The following JAKMIP2 variants were observed in gnomAD, a reference collection of about 807,000 sequenced individuals.
The protein encoded by JAKMIP2 is janus kinase and microtubule-interacting protein 2.
Under a neutral mutation model 115.0 loss-of-function variants are expected in JAKMIP2, and 25 were observed. That is an observed-to-expected ratio of 0.22 (90% CI 0.16 to 0.30). The LOEUF (loss-of-function observed/expected upper bound fraction) is 0.30, where lower values mean the gene tolerates loss of function less well. JAKMIP2 is among the 10% of genes least tolerant of loss of function. The pLI, the probability that JAKMIP2 is intolerant of heterozygous loss-of-function variation, is 1.00. For synonymous variants in JAKMIP2, 334 were observed against 343.6 expected (o/e 0.97, Z 0.31); for missense variants, 642 against 957.6 (o/e 0.67, Z 4.35).
intron 18 of JAKMIP2, among the ~76,000 whole-genome samples, chr5:147,619,665 AT>A (rs1308831823): frequency 6.6e-6 from 1 of 152,152 alleles, no homozygotes; most frequent in African/African-American, 2.4e-5. Context: ...GAAGCATGCA[AT>A]AGGAATTTGG....
chr5:147,704,164 T>C (rs763939722), intron 1 of JAKMIP2, among the ~76,000 whole-genome samples: 3 of 152,182 alleles, frequency 2.0e-5, no homozygotes, highest in African/African-American at 4.8e-5. Flanking sequence ...GAGTATACTC[T>C]AAAATAACAA....
At chr5:147,730,970 C>T (rs1444378588) in intron 1 of JAKMIP2, among the ~76,000 whole-genome samples, 1 of 152,074 alleles carries the variant, frequency 6.6e-6, no homozygotes, top group Non-Finnish European at 1.5e-5. Context: ...TCATGATGGT[C>T]CTGAATAAAG....
Position 147,640,698 on chromosome 5 carries a change from G to C in JAKMIP2, c.1401+6C>G. Reference sequence around the variant, plus strand: ...CACCCTAGGCTAGAGAAGTAGAAAAGCTTACTTCATCCAAGTCATCATCAG... The same window carrying C: ...CACCCTAGGCTAGAGAAGTAGAAAACCTTACTTCATCCAAGTCATCATCAG... On this transcript the variant is annotated splice_donor_region_variant and intron_variant, in intron 9 of 21. Coordinates refer to ENST00000616793, the MANE Select transcript of JAKMIP2 (RefSeq NM_001270941.2). 1 of 1,613,322 alleles carries C rather than the reference G, an allele frequency of 6.2e-7. No homozygotes were observed. Among genetic ancestry groups the C allele is most frequent in the South Asian group, 1.1e-5 (1 of 91,010 alleles).
intron 1 of JAKMIP2, among the ~76,000 whole-genome samples, chr5:147,714,186 T>C (rs1463858143): frequency 6.6e-6 from 1 of 152,124 alleles, no homozygotes; most frequent in Admixed American, 6.5e-5. Flanking sequence ...CTGTAGCCAT[T>C]ACAAAGGTTC....
intron 6 of JAKMIP2, 129 bp from the exon 7 acceptor site, chr5:147,644,327 C>A: frequency 2.9e-6 from 2 of 683,072 alleles, no homozygotes; most frequent in Non-Finnish European, 4.7e-6. Context: ...CCTGAATACA[C>A]ATACACCAAC....
Position 147,718,687 on chromosome 5 carries a change from C to G in JAKMIP2, c.-148-46733G>C, listed in dbSNP as rs1042306718. Among the ~76,000 whole-genome samples, 869 of 152,058 alleles carry G rather than the reference C, an allele frequency of 5.7e-3. 19 individuals carry two copies. The highest frequency in any genetic ancestry group is 0.02 in the African/African-American group (811 of 41,438). ...TAGTTTGTATTTCTGTGGGATCGGT[C>G]GTGATATCCCCTTTAGCATTTTTTA... On this transcript the variant is annotated intron_variant, in intron 1 of 21. Coordinates refer to ENST00000616793, the MANE Select transcript of JAKMIP2 (RefSeq NM_001270941.2).
At chr5:147,683,152 C>T (rs575802854) in intron 1 of JAKMIP2, among the ~76,000 whole-genome samples, 94 of 152,228 alleles carry the variant, frequency 6.2e-4, no homozygotes, top group African/African-American at 1.3e-3. Context: ...CATCAGAGCC[C>T]CCACCTGAGG....
chr5:147,753,511 C>T (rs1316321269), intron 1 of JAKMIP2, among the ~76,000 whole-genome samples: 2 of 152,192 alleles, frequency 1.3e-5, no homozygotes, highest in African/African-American at 2.4e-5. Context: ...CAGCTGCCAC[C>T]GAGCGTTGCT....
At chr5:147,751,866 G>C (rs1336750995) in intron 1 of JAKMIP2, among the ~76,000 whole-genome samples, 1 of 152,138 alleles carries the variant, frequency 6.6e-6, no homozygotes, top group Non-Finnish European at 1.5e-5. Context: ...GGCTTACACT[G>C]ATAGAGAGTA....
intron 5 of JAKMIP2, among the ~76,000 whole-genome samples, chr5:147,646,223 A>G (rs975302266): frequency 6.6e-6 from 1 of 152,166 alleles, no homozygotes; most frequent in Non-Finnish European, 1.5e-5. Flanking sequence ...ATCCATCTCA[A>G]TCTCAATTTC....
intron 1 of JAKMIP2, among the ~76,000 whole-genome samples, chr5:147,774,858 C>CCT (rs1433876740): frequency 6.6e-6 from 1 of 152,086 alleles, no homozygotes; most frequent in Non-Finnish European, 1.5e-5. Context: ...AAAATATCAC[C>CCT]CTCTTCTCCT....
intron 1 of JAKMIP2, among the ~76,000 whole-genome samples, chr5:147,683,852 G>A (rs1487582218): frequency 6.6e-6 from 1 of 152,196 alleles, no homozygotes; most frequent in Non-Finnish European, 1.5e-5. Flanking sequence ...AAAAGTACAT[G>A]AAGGTTGGAT....
At chr5:147,646,410 C>A (rs1202137839) in intron 5 of JAKMIP2, among the ~76,000 whole-genome samples, 1 of 152,072 alleles carries the variant, frequency 6.6e-6, no homozygotes, top group Non-Finnish European at 1.5e-5. Flanking sequence ...TCTGTCTCTT[C>A]TGAAGGTCAA....
chr5:147,679,030 G>A (rs1232476080), intron 1 of JAKMIP2, among the ~76,000 whole-genome samples: 1 of 151,704 alleles, frequency 6.6e-6, no homozygotes, highest in Non-Finnish European at 1.5e-5. Context: ...ACTCAGGCTG[G>A]AGTGCAGTGG....
At chr5:147,771,863 G>A (rs896147950) in intron 1 of JAKMIP2, among the ~76,000 whole-genome samples, 1 of 152,080 alleles carries the variant, frequency 6.6e-6, no homozygotes, top group Non-Finnish European at 1.5e-5. Flanking sequence ...AGGGTCTTCA[G>A]TGAAGCTTTT....
rs1334095021 is a variant in JAKMIP2 at position 147,648,341 on chromosome 5, C to T, written c.936+35G>A. 3.6e-6 allele frequency: 4 copies of T among 1,101,652 alleles called. No individual in the cohort carries two copies. The African/African-American group carries it at 4.6e-5, about 13-fold the overall frequency. 68.2% of individuals were successfully genotyped at this position (1,101,652 alleles called of 1,614,324 possible). ...TGTAATTCTGTAACATAATGCTTAA[C>T]AACAACATCAACAAAAATTTTTAGT... On this transcript the variant is annotated intron_variant, in intron 5 of 21. Transcript: ENST00000616793.
At chr5:147,641,292 T>C (rs1757868405) in intron 8 of JAKMIP2, among the ~76,000 whole-genome samples, 1 of 152,212 alleles carries the variant, frequency 6.6e-6, no homozygotes, top group Admixed American at 6.5e-5. Flanking sequence ...TTGTGGATTA[T>C]AAGAGGCTAT....
In JAKMIP2 at chr5:147,586,581, A is replaced by G. The variant is rs1402035324; in HGVS notation, c.*5126T>C. 6.6e-6 allele frequency: 1 copy of G among 152,126 alleles called. No individual in the cohort carries two copies. Among genetic ancestry groups the G allele is most frequent in the Non-Finnish European group, 1.5e-5 (1 of 68,028 alleles). The allele number at this position is 152,126 out of a possible 1,614,324, so 9.4% of individuals were successfully genotyped here. The stretch of plus-strand genomic sequence containing the variant: ...ATATAACAAGGATGAAAATATAAGC[A>G]TGGGTACAAAGACCGTAATGCAGAA... On this transcript the variant is annotated 3_prime_UTR_variant, in exon 22 of 22. Transcript: ENST00000616793.
chr5:147,752,190 T>G (rs950029174), intron 1 of JAKMIP2, among the ~76,000 whole-genome samples: 3 of 152,066 alleles, frequency 2.0e-5, no homozygotes, highest in African/African-American at 7.2e-5. Context: ...GAAGGCGAAT[T>G]CCAGGCAATT....
Sources: allele counts gnomAD v4.1 joint callset (sites outside exome capture counted in the v4.1 genomes callset), GRCh38; gene constraint gnomAD v4.1.1; transcripts MANE v1.5; gene names NCBI Gene and HGNC (gene_info 2026-07-23, HGNC 2026-07-21).